PRCC: variants seen among roughly 807,000 people sequenced by gnomAD.
The protein encoded by PRCC is proline rich mitotic checkpoint control factor.
Under a neutral mutation model 44.0 loss-of-function variants are expected in PRCC, and 10 were observed. The ratio of observed to expected loss-of-function variants is 0.23; its 90% CI spans 0.14 to 0.39. The LOEUF is 0.39. Ranked by LOEUF, PRCC falls within the 10% of genes least tolerant of loss-of-function variation. The pLI, the probability that PRCC is intolerant of heterozygous loss-of-function variation, is 1.00. For missense variants in PRCC, 573 were observed against 624.7 expected, an observed-to-expected ratio of 0.92 and a Z score of 0.88; for synonymous variants, 278 against 259.5, an observed-to-expected ratio of 1.07 and a Z score of -0.69.
chr1:156,774,696 G>C (rs1651756142), intron 1 of PRCC, among the ~76,000 whole-genome samples: 1 of 151,798 alleles, frequency 6.6e-6, no homozygotes, highest in South Asian at 2.1e-4. Context: ...GCTCACGCCT[G>C]TAAACCCCGC....
At chr1:156,786,065 C>A (rs1321443127) in intron 2 of PRCC, among the ~76,000 whole-genome samples, 1 of 152,168 alleles carries the variant, frequency 6.6e-6, no homozygotes, top group African/African-American at 2.4e-5. Flanking sequence ...CCACCTTGGT[C>A]TCCCAAAGTG....
chr1:156,781,206 T>TGG (rs1277357507), intron 1 of PRCC, among the ~76,000 whole-genome samples: 1 of 152,216 alleles, frequency 6.6e-6, no homozygotes, highest in Non-Finnish European at 1.5e-5. Context: ...AAGCCCTGCC[T>TGG]GGGACACTGG....
At chr1:156,777,467 C>T (rs532710639) in intron 1 of PRCC, among the ~76,000 whole-genome samples, 1 of 152,170 alleles carries the variant, frequency 6.6e-6, no homozygotes, top group South Asian at 2.1e-4. Context: ...CTTTCCTTTG[C>T]CACCCTTTTC....
At chr1:156,771,305 A>G (rs554265587) in intron 1 of PRCC, among the ~76,000 whole-genome samples, 9 of 152,294 alleles carry the variant, frequency 5.9e-5, no homozygotes, top group African/African-American at 2.2e-4. Flanking sequence ...CTTGGATGCC[A>G]TGCTAGGGTC....
Position 156,768,200 on chromosome 1 carries a change from G to T in PRCC, c.429G>T (p.Glu143Asp). Residue 143 changes from glutamate (E) to aspartate (D), a missense_variant, in exon 1 of 7, where the codon GAG (glutamate) becomes GAT (aspartate). Around this residue, in one of 4 missense-constraint regions of PRCC, gnomAD observed 245 missense variants for 188.5 expected, o/e 1.30. Transcript: ENST00000271526. The stretch of plus-strand genomic sequence containing the variant: ...TTCCCAAGCCAAAGAAGAGGAAAGA[G>T]CCCGTGAAGATCGCGGCGCCGGAGT... The part of the protein sequence containing the change: ...LGLPKPKKRK[E>D]PVKIAAPELH... 6.5e-7 allele frequency: 1 copy of T among 1,548,074 alleles called. No individual in the cohort carries two copies.
intron 1 of PRCC, among the ~76,000 whole-genome samples, chr1:156,777,130 T>C (rs933220137): frequency 2.0e-5 from 3 of 152,144 alleles, no homozygotes; most frequent in Non-Finnish European, 4.4e-5. Flanking sequence ...CGGGATCCCT[T>C]AGCCAGTGAG....
intron 1 of PRCC, among the ~76,000 whole-genome samples, chr1:156,776,335 A>G (rs760098939): frequency 3.3e-5 from 5 of 152,136 alleles, no homozygotes; most frequent in Non-Finnish European, 7.3e-5. Flanking sequence ...GCGCCACTCT[A>G]CTCCAGCCTG....
intron 1 of PRCC, 75 bp from the exon 2 acceptor site, chr1:156,782,207 A>C: frequency 7.3e-7 from 1 of 1,367,130 alleles, no homozygotes; most frequent in Non-Finnish European, 1.0e-6. Context: ...CCAACCCTTC[A>C]TATGTGCTAT....
At chr1:156,769,982 T>C (rs1488055024) in intron 1 of PRCC, among the ~76,000 whole-genome samples, 4 of 152,220 alleles carry the variant, frequency 2.6e-5, no homozygotes, top group African/African-American at 9.7e-5. Flanking sequence ...AAAAAGCCTT[T>C]TATTGCTCCA....
intron 3 of PRCC, chr1:156,791,046 T>A: frequency 7.4e-7 from 1 of 1,355,128 alleles, no homozygotes. Flanking sequence ...TGCCCTTGCC[T>A]TCACCCTCCT....
intron 1 of PRCC, among the ~76,000 whole-genome samples, chr1:156,770,183 C>T (rs1332190963): frequency 6.6e-6 from 1 of 152,238 alleles, no homozygotes; most frequent in East Asian, 1.9e-4. Context: ...TGAAGACTAA[C>T]ACTCCCTCCT....
chr1:156,787,448 T>TATATATATATATA (rs1491308804), intron 3 of PRCC, among the ~76,000 whole-genome samples: 1 of 70,132 alleles, frequency 1.4e-5, no homozygotes, highest in African/African-American at 4.3e-5. Context: ...ATATTTGTGA[T>TATATATATATATA]TGATATATAT....
intron 3 of PRCC, among the ~76,000 whole-genome samples, chr1:156,789,641 TAAAGAG>T (rs1652408360): frequency 6.6e-6 from 1 of 152,086 alleles, no homozygotes; most frequent in Admixed American, 6.6e-5. Context: ...TAATAATAAA[TAAAGAG>T]AATCCTGAGG....
chr1:156,779,139 T>TATAA (rs1558048287), intron 1 of PRCC, among the ~76,000 whole-genome samples: 3 of 56,118 alleles, frequency 5.3e-5, no homozygotes, highest in African/African-American at 2.6e-4. Flanking sequence ...TTTTTTTTTT[T>TATAA]TTTTTTTTTT....
In PRCC at chr1:156,791,698, A is replaced by G. The variant is rs1162148897; in HGVS notation, c.1085A>G (p.Asp362Gly). ...TTTTTCTTTCCTGTTTGGCTGCAGG[A>G]TTATTACAGTGGTGGCTACTATCCT... Reference protein sequence around the residue: ...DANAAGAYYQDYYSGGYYPAQ... With the variant: ...DANAAGAYYQGYYSGGYYPAQ... The change falls in exon 4 of 7, where the codon GAT (aspartate) becomes GGT (glycine). Residue 362 changes from aspartate to glycine, a missense_variant and splice_region_variant. Asp to Gly is a moderately conservative substitution (Grantham distance 94, BLOSUM62 -1). Coordinates refer to ENST00000271526, the MANE Select transcript of PRCC (RefSeq NM_005973.5). 2 of 1,611,164 alleles carry G rather than the reference A, an allele frequency of 1.2e-6. No individual in the cohort carries two copies. Among genetic ancestry groups the G allele is most frequent in the Non-Finnish European group, 1.7e-6 (2 of 1,178,988 alleles).
intron 1 of PRCC, among the ~76,000 whole-genome samples, chr1:156,779,553 GA>G (rs1295242211): frequency 2.0e-5 from 3 of 151,896 alleles, no homozygotes; most frequent in Non-Finnish European, 4.4e-5. Context: ...ATTTTTCGTA[GA>G]GACGAGGTTT....
chr1:156,771,731 A>G (rs1413991229), intron 1 of PRCC, among the ~76,000 whole-genome samples: 1 of 151,054 alleles, frequency 6.6e-6, no homozygotes, highest in African/African-American at 2.4e-5. Context: ...TTGTCTCGCT[A>G]CATTGCCCAG....
At chr1:156,768,309 A>G (rs974588131) in intron 1 of PRCC, 70 bp downstream of exon 1, 1 of 1,448,690 alleles carries the variant, frequency 6.9e-7, no homozygotes, top group African/African-American at 1.4e-5. Flanking sequence ...GGACATGTGG[A>G]GATTTCAGAA....
At chr1:156,780,605 C>T (rs1316748346) in intron 1 of PRCC, among the ~76,000 whole-genome samples, 5 of 152,044 alleles carry the variant, frequency 3.3e-5, no homozygotes, top group Non-Finnish European at 7.4e-5. Context: ...CATGTACCAC[C>T]ACGCCTGACT....
Sources: allele counts gnomAD v4.1 joint callset (sites outside exome capture counted in the v4.1 genomes callset), GRCh38; gene constraint gnomAD v4.1.1; regional missense constraint gnomAD v4.1.1; transcripts MANE v1.5; gene names NCBI Gene and HGNC (gene_info 2026-07-23, HGNC 2026-07-21).